EXOC6B: variants seen among roughly 807,000 people sequenced by gnomAD.
EXOC6B encodes the protein SEC15 homolog B.
Under a neutral mutation model 113.5 loss-of-function variants are expected in EXOC6B, and 54 were observed. The observed-to-expected ratio is 0.48, with a 90% CI of 0.38 to 0.60. EXOC6B has a LOEUF of 0.60. EXOC6B is among the 20% of genes least tolerant of loss of function. The pLI is 0.00. For synonymous variants in EXOC6B, 357 were observed against 339.0 expected (o/e 1.05, Z -0.58); for missense variants, 797 against 977.5 (o/e 0.82, Z 2.46).
At chr2:72,318,549 T>C (rs6752122) in intron 20 of EXOC6B, among the ~76,000 whole-genome samples, 54,700 of 151,972 alleles carry the variant, frequency 0.36, 15,906 homozygotes, top group African/African-American at 0.81. Context: ...GCATACCACA[T>C]GCCCGGCCAA....
At chr2:72,518,583 G>A (rs977052265) in intron 8 of EXOC6B, among the ~76,000 whole-genome samples, 62 of 151,358 alleles carry the variant, frequency 4.1e-4, no homozygotes, top group Admixed American at 4.0e-3. Flanking sequence ...TCTAATTGAC[G>A]AATGAGTCAG....
At chr2:72,362,528 A>G (rs1690379332) in intron 19 of EXOC6B, among the ~76,000 whole-genome samples, 1 of 152,150 alleles carries the variant, frequency 6.6e-6, no homozygotes, top group Admixed American at 6.6e-5. Context: ...ATATTATCTC[A>G]TTTGACTTTA....
intron 20 of EXOC6B, among the ~76,000 whole-genome samples, chr2:72,229,349 G>C (rs1681464191): frequency 6.6e-6 from 1 of 152,206 alleles, no homozygotes; most frequent in African/African-American, 2.4e-5. Flanking sequence ...ACGAAGCAAA[G>C]AGAAGCAGGC....
intron 1 of EXOC6B, among the ~76,000 whole-genome samples, chr2:72,819,380 G>A (rs1208494026): frequency 6.6e-6 from 1 of 151,560 alleles, no homozygotes; most frequent in Admixed American, 6.6e-5. Context: ...TTTTTAAAAG[G>A]GCACTACTAT....
chr2:72,379,085 C>G (rs1489144684), intron 19 of EXOC6B, among the ~76,000 whole-genome samples: 1 of 152,110 alleles, frequency 6.6e-6, no homozygotes, highest in Non-Finnish European at 1.5e-5. Context: ...GTTCCATTTC[C>G]TGTCTTGAAT....
At chr2:72,208,329 C>T (rs899481053) in intron 20 of EXOC6B, among the ~76,000 whole-genome samples, 5 of 152,006 alleles carry the variant, frequency 3.3e-5, no homozygotes, top group Non-Finnish European at 2.9e-5. Flanking sequence ...TAATTGAGAA[C>T]ATGCAGTGTT....
chr2:72,366,149 A>T (rs1690615443), intron 19 of EXOC6B, among the ~76,000 whole-genome samples: 1 of 152,162 alleles, frequency 6.6e-6, no homozygotes. Context: ...CGCATGATGG[A>T]ACTGGTAGAA....
chr2:72,611,844 A>G (rs796562088), intron 6 of EXOC6B, among the ~76,000 whole-genome samples: 23 of 152,356 alleles, frequency 1.5e-4, no homozygotes, highest in African/African-American at 4.3e-4. Context: ...TTTATTTTAT[A>G]TAACAGTTTA....
intron 7 of EXOC6B, among the ~76,000 whole-genome samples, chr2:72,561,363 TAATG>T (rs1224507909): frequency 6.6e-6 from 1 of 152,176 alleles, no homozygotes; most frequent in Non-Finnish European, 1.5e-5. Flanking sequence ...TATTTAGAAT[TAATG>T]ATTTTTAAAT....
chr2:72,787,489 A>G (rs1247027103), intron 1 of EXOC6B, among the ~76,000 whole-genome samples: 1 of 151,840 alleles, frequency 6.6e-6, no homozygotes, highest in Non-Finnish European at 1.5e-5. Context: ...TGTGAGCCAC[A>G]GTGCCCGGCC....
chr2:72,491,446 T>A (rs1249646648), intron 16 of EXOC6B, among the ~76,000 whole-genome samples: 2 of 152,132 alleles, frequency 1.3e-5, no homozygotes, highest in African/African-American at 2.4e-5. Flanking sequence ...AAATGTCAAT[T>A]TTTTCCTAGA....
intron 8 of EXOC6B, among the ~76,000 whole-genome samples, chr2:72,519,188 C>T (rs12713773): frequency 0.92 from 140,786 of 152,268 alleles, 65,160 homozygotes; most frequent in East Asian, 0.99. Context: ...TGCACATGTT[C>T]CTAGCTAAGG....
intron 13 of EXOC6B, among the ~76,000 whole-genome samples, chr2:72,497,786 TTAAAG>T (rs1700114117): frequency 6.6e-6 from 1 of 152,086 alleles, no homozygotes; most frequent in African/African-American, 2.4e-5. Flanking sequence ...GCATAATCAC[TTAAAG>T]TAAAGGAGTA....
At chr2:72,192,709 C>T (rs999345611) in intron 20 of EXOC6B, among the ~76,000 whole-genome samples, 2 of 152,188 alleles carry the variant, frequency 1.3e-5, no homozygotes, top group African/African-American at 4.8e-5. Flanking sequence ...TACCCCTCTT[C>T]CCCAGGGGTG....
chr2:72,572,171 C>T (rs1257663373), intron 7 of EXOC6B, among the ~76,000 whole-genome samples: 3 of 152,034 alleles, frequency 2.0e-5, no homozygotes, highest in Non-Finnish European at 4.4e-5. Context: ...CCCAAACATT[C>T]ATTTGTTTGT....
chr2:72,406,598 T>A (rs1693787187), intron 18 of EXOC6B, among the ~76,000 whole-genome samples: 2 of 152,192 alleles, frequency 1.3e-5, no homozygotes, highest in African/African-American at 2.4e-5. Flanking sequence ...TGCTCCTGAT[T>A]GACTACTGGG....
intron 20 of EXOC6B, among the ~76,000 whole-genome samples, chr2:72,209,074 C>T (rs59457319): frequency 2.0e-5 from 3 of 151,832 alleles, no homozygotes; most frequent in East Asian, 1.9e-4. Context: ...AAATACAAAA[C>T]TAGCCTGGTG....
intron 20 of EXOC6B, among the ~76,000 whole-genome samples, chr2:72,190,162 G>T (rs986488401): frequency 2.0e-5 from 3 of 151,544 alleles, no homozygotes; most frequent in Non-Finnish European, 4.4e-5. Context: ...TCCCTGAGTA[G>T]CTAGGACTAC....
chr2:72,471,108 C>T (rs1490170462), intron 17 of EXOC6B, among the ~76,000 whole-genome samples: 1 of 152,004 alleles, frequency 6.6e-6, no homozygotes, highest in African/African-American at 2.4e-5. Flanking sequence ...TCCTATTTCT[C>T]CACATCCTCT....
Sources: gnomAD v4.1 joint callset for allele counts (sites outside exome capture counted in the v4.1 genomes callset) on GRCh38, gnomAD v4.1.1 for gene constraint, MANE v1.5 for transcripts, NCBI Gene and HGNC (gene_info 2026-07-23, HGNC 2026-07-21) for gene names.